Variants in DDX31 observed in about 807,000 individuals in gnomAD.
DDX31 encodes ATP-dependent DNA helicase DDX31.
A neutral mutation model predicts 91.3 loss-of-function variants in DDX31; 70 were observed. The ratio of observed to expected loss-of-function variants is 0.77; its 90% CI spans 0.63 to 0.94. The LOEUF (loss-of-function observed/expected upper bound fraction) is 0.94. DDX31 is among the 40% of genes least tolerant of loss of function. The pLI is 0.00. For synonymous variants in DDX31, 362 were observed against 350.6 expected, an observed-to-expected ratio of 1.03 and a Z score of -0.36; for missense variants, 902 against 925.0, an observed-to-expected ratio of 0.98 and a Z score of 0.32.
intron 17 of DDX31, among the ~76,000 whole-genome samples, chr9:132,621,010 C>T (rs1313953592): frequency 6.6e-6 from 1 of 152,204 alleles, no homozygotes; most frequent in Admixed American, 6.5e-5. Context: ...GAGCAGGGGG[C>T]TCTGAACTTA....
At chr9:132,642,727 G>C (rs1434802454) in intron 13 of DDX31, among the ~76,000 whole-genome samples, 1 of 151,516 alleles carries the variant, frequency 6.6e-6, no homozygotes, top group Non-Finnish European at 1.5e-5. Context: ...ATGCCAATAA[G>C]TATCCAAAGA....
At chr9:132,609,617 T>A (rs112640067) in intron 19 of DDX31, among the ~76,000 whole-genome samples, 1 of 152,064 alleles carries the variant, frequency 6.6e-6, no homozygotes, top group African/African-American at 2.4e-5. Context: ...CAAAGATGTG[T>A]GTTTCTTTTT....
chr9:132,595,164 C>T lies in DDX31; in HGVS notation c.1995-52G>A, dbSNP rs553093011. 7 of 1,577,698 alleles carry T rather than the reference C, an allele frequency of 4.4e-6. No homozygotes were observed. In the East Asian group the frequency reaches 1.3e-4, roughly 30 times the overall value. The stretch of plus-strand genomic sequence containing the variant: ...AAAAGAAACTTTATTATTTTTCTTT[C>T]CCATTTGGAAAGAGGCTGATAGCAG... On this transcript the variant is annotated intron_variant, in intron 19 of 19. Coordinates refer to ENST00000372159, the MANE Select transcript of DDX31 (RefSeq NM_022779.9). The surrounding 1 kb of genome is among the most constrained non-coding windows in gnomAD (Gnocchi z 4.6).
chr9:132,629,657 A>G (rs894300085), intron 16 of DDX31, among the ~76,000 whole-genome samples: 1 of 152,230 alleles, frequency 6.6e-6, no homozygotes, highest in Non-Finnish European at 1.5e-5. Context: ...TGGGCAAGGA[A>G]AAAGAAATAA....
At chr9:132,617,558 G>A (rs1831723540) in intron 18 of DDX31, among the ~76,000 whole-genome samples, 1 of 151,940 alleles carries the variant, frequency 6.6e-6, no homozygotes, top group Non-Finnish European at 1.5e-5. Context: ...ATGCTACAGT[G>A]TTCCGATATT....
intron 16 of DDX31, among the ~76,000 whole-genome samples, chr9:132,627,779 A>G (rs1355526038): frequency 1.3e-5 from 2 of 152,146 alleles, no homozygotes; most frequent in Non-Finnish European, 2.9e-5. Context: ...CGATCTAGGA[A>G]GGCGGGCAGC....
chr9:132,653,494 CAAAAAAAAAAAAAAAAAAAAAAAAAA>C (rs71376648), intron 6 of DDX31, among the ~76,000 whole-genome samples: 404 of 20,690 alleles, frequency 0.02, 14 homozygotes, highest in African/African-American at 0.034. Flanking sequence ...AACTCAGTCT[CAAAAAAAAAAAAAAAAAAAAAAAAAA>C]AAAAAAAAAA....
rs1057405843 is a variant in DDX31 at position 132,593,481 on chromosome 9, G to GT, written c.*1384dup. 1.3e-5 allele frequency: 2 copies of GT among 152,188 alleles called. No homozygotes were observed. Among genetic ancestry groups the GT allele is most frequent in the Non-Finnish European group, 2.9e-5 (2 of 68,026 alleles). 9.4% of individuals were successfully genotyped at this position (152,188 alleles called of 1,614,324 possible). ...GGCTGACATGTGCTGCAGGGTTGTT[G>GT]TTTTTTAATTATTATTGTTAGAAAC... On this transcript the variant is annotated 3_prime_UTR_variant, in exon 20 of 20. Transcript: ENST00000372159.
In DDX31 at chr9:132,667,125, A is replaced by G. The variant is rs1418492735; in HGVS notation, c.75+2735T>C. The stretch of plus-strand genomic sequence containing the variant: ...CGGCCTCCCAAAGTGATGAGATTAC[A>G]GGTGTGAGCCACCTCGCCCAGCCCA... On this transcript the variant is annotated intron_variant, in intron 1 of 19. Coordinates refer to ENST00000372159, the MANE Select transcript of DDX31 (RefSeq NM_022779.9). Among the ~76,000 whole-genome samples, 25 of 152,024 alleles carry G rather than the reference A, an allele frequency of 1.6e-4. 1 individual carries two copies. The highest frequency in any genetic ancestry group is 1.6e-3 in the Admixed American group (25 of 15,254).
At chr9:132,617,665 A>C (rs1275022402) in intron 18 of DDX31, among the ~76,000 whole-genome samples, 1 of 152,218 alleles carries the variant, frequency 6.6e-6, no homozygotes, top group African/African-American at 2.4e-5. Context: ...AGACATGGTC[A>C]GTCTCTGGCC....
chr9:132,626,262 C>G (rs1385397171), intron 16 of DDX31, among the ~76,000 whole-genome samples: 1 of 152,206 alleles, frequency 6.6e-6, no homozygotes, highest in Non-Finnish European at 1.5e-5. Context: ...TTCTTCTACC[C>G]TGGAGGAGCT....
intron 19 of DDX31, among the ~76,000 whole-genome samples, chr9:132,611,560 T>C (rs1831341008): frequency 6.6e-6 from 1 of 151,944 alleles, no homozygotes; most frequent in East Asian, 1.9e-4. Context: ...GTCCTGAACA[T>C]GCTCTTTTTG....
chr9:132,623,109 G>GA (rs1045007558), intron 17 of DDX31, among the ~76,000 whole-genome samples: 1 of 148,982 alleles, frequency 6.7e-6, no homozygotes, highest in African/African-American at 2.5e-5. Flanking sequence ...CAGCCTGGGA[G>GA]ACACAGCAAG....
intron 19 of DDX31, among the ~76,000 whole-genome samples, chr9:132,610,340 A>T (rs1831252872): frequency 6.6e-6 from 1 of 152,218 alleles, no homozygotes; most frequent in African/African-American, 2.4e-5. Flanking sequence ...ACACTCATCT[A>T]GGCACTGCAG....
chr9:132,668,449 A>G (rs1337721109), intron 1 of DDX31, among the ~76,000 whole-genome samples: 1 of 152,194 alleles, frequency 6.6e-6, no homozygotes. Context: ...TGGCGACCAA[A>G]AGAGTTAAAC....
intron 19 of DDX31, among the ~76,000 whole-genome samples, chr9:132,597,956 TATC>T (rs1445108676): frequency 6.6e-6 from 1 of 152,164 alleles, no homozygotes; most frequent in African/African-American, 2.4e-5. Context: ...TGCCTTCAGT[TATC>T]ATCACCACCT....
chr9:132,654,071 A>T (rs1370817931), intron 6 of DDX31, among the ~76,000 whole-genome samples: 1 of 152,200 alleles, frequency 6.6e-6, no homozygotes, highest in Non-Finnish European at 1.5e-5. Flanking sequence ...GTGAGAAAAA[A>T]ATAAAGTTAG....
At chr9:132,596,330 C>G (rs1391666517) in intron 19 of DDX31, among the ~76,000 whole-genome samples, 1 of 152,348 alleles carries the variant, frequency 6.6e-6, no homozygotes, top group Admixed American at 6.5e-5. Context: ...TCTAATCACA[C>G]TCCAGAGGAC....
intron 6 of DDX31, among the ~76,000 whole-genome samples, chr9:132,654,961 A>AG: frequency 6.6e-6 from 1 of 151,744 alleles, no homozygotes; most frequent in East Asian, 1.9e-4. Flanking sequence ...AAAAAAAAAA[A>AG]AAAGAAGAAG....
Sources: gnomAD v4.1 joint callset for allele counts (sites outside exome capture counted in the v4.1 genomes callset) on GRCh38, gnomAD v4.1.1 for gene constraint, Gnocchi (gnomAD v3.1) non-coding constraint, MANE v1.5 for transcripts, NCBI Gene and HGNC (gene_info 2026-07-23, HGNC 2026-07-21) for gene names.